SMYD3: variants seen among roughly 807,000 people sequenced by gnomAD.
SMYD3 encodes SET and MYND domain containing 3.
A neutral mutation model predicts 57.7 loss-of-function variants in SMYD3; 36 were observed. That is an observed-to-expected ratio of 0.62 (90% CI 0.48 to 0.82). The LOEUF is 0.82. SMYD3 is among the 40% of genes least tolerant of loss of function. The pLI is 0.00. For missense variants in SMYD3, 515 were observed against 538.8 expected (o/e 0.96, Z 0.44); for synonymous variants, 211 against 195.0 (o/e 1.08, Z -0.68).
rs893702891 is a variant in SMYD3 at position 246,203,612 on chromosome 1, A to G, written c.531+123589T>C. On this transcript the variant is annotated intron_variant, in intron 5 of 11. Transcript: ENST00000490107. This position sits in a 1 kb window ranked among gnomAD's most constrained non-coding sequence, Gnocchi z 4.6. Reference sequence around the variant, plus strand: ...CTCTTCCTCTTCCTACAAGGACACCAGTCATACTGGACTAGGGTCAACCCT... The same window carrying G: ...CTCTTCCTCTTCCTACAAGGACACCGGTCATACTGGACTAGGGTCAACCCT... Among the ~76,000 whole-genome samples the G allele has an allele frequency of 5.9e-5, 9 of 152,218 alleles. No individual in the cohort carries two copies. Among genetic ancestry groups the G allele is most frequent in the South Asian group, 2.1e-4 (1 of 4,830 alleles).
chr1:245,941,254 T>C (rs1354145252), intron 5 of SMYD3, among the ~76,000 whole-genome samples: 2 of 152,100 alleles, frequency 1.3e-5, no homozygotes, highest in Non-Finnish European at 2.9e-5. Flanking sequence ...CAAGGTATCA[T>C]CCAGGAGAAC....
At chr1:245,940,986 G>A (rs781684881) in intron 5 of SMYD3, among the ~76,000 whole-genome samples, 1 of 152,156 alleles carries the variant, frequency 6.6e-6, no homozygotes, top group African/African-American at 2.4e-5. Context: ...ACCTGATGGA[G>A]CTGAAAAACA....
intron 5 of SMYD3, among the ~76,000 whole-genome samples, chr1:246,153,794 C>T (rs567406123): frequency 6.6e-6 from 1 of 152,078 alleles, no homozygotes; most frequent in East Asian, 1.9e-4. Context: ...TTAAACAATC[C>T]CACCTTTAAC....
At chr1:246,413,435 G>C (rs529263033) in intron 1 of SMYD3, among the ~76,000 whole-genome samples, 3 of 152,082 alleles carry the variant, frequency 2.0e-5, no homozygotes, top group African/African-American at 7.2e-5. Context: ...TCACAACAGC[G>C]CTATTCCCAA....
chr1:245,988,950 T>G (rs1037045767), intron 5 of SMYD3, among the ~76,000 whole-genome samples: 3 of 152,270 alleles, frequency 2.0e-5, no homozygotes, highest in Non-Finnish European at 4.4e-5. Flanking sequence ...GCCTGGGCTA[T>G]CTCCATATTT....
At chr1:245,972,661 A>G (rs1443593493) in intron 5 of SMYD3, among the ~76,000 whole-genome samples, 2 of 152,204 alleles carry the variant, frequency 1.3e-5, no homozygotes, top group African/African-American at 4.8e-5. Flanking sequence ...GTTCGCTCCA[A>G]CTGAGTGGAA....
intron 5 of SMYD3, among the ~76,000 whole-genome samples, chr1:246,077,072 G>A (rs1427050918): frequency 6.6e-6 from 1 of 152,162 alleles, no homozygotes; most frequent in East Asian, 1.9e-4. Flanking sequence ...CCAGGGAAGT[G>A]TAGGACAATT....
intron 5 of SMYD3, among the ~76,000 whole-genome samples, chr1:246,228,265 C>G (rs528301968): frequency 6.6e-6 from 1 of 152,220 alleles, no homozygotes; most frequent in Non-Finnish European, 1.5e-5. Flanking sequence ...CCACTGCGCC[C>G]GGCCTCACAT....
intron 5 of SMYD3, among the ~76,000 whole-genome samples, chr1:246,069,827 T>TG (rs1360726199): frequency 1.3e-5 from 2 of 152,172 alleles, no homozygotes; most frequent in African/African-American, 4.8e-5. Flanking sequence ...GCAGGACGAA[T>TG]GAGACTGTTG....
At chr1:246,092,304 A>C (rs927263596) in intron 5 of SMYD3, among the ~76,000 whole-genome samples, 5 of 152,208 alleles carry the variant, frequency 3.3e-5, no homozygotes, top group Non-Finnish European at 1.5e-5. Flanking sequence ...AAATTACCCA[A>C]GACCCATCAG....
chr1:246,328,399 G>A (rs1572386201), intron 4 of SMYD3, among the ~76,000 whole-genome samples: 1 of 152,224 alleles, frequency 6.6e-6, no homozygotes, highest in East Asian at 1.9e-4. Context: ...TTAAGGTCAT[G>A]TGTATGACAC....
intron 1 of SMYD3, among the ~76,000 whole-genome samples, chr1:246,420,805 G>A (rs1259416354): frequency 6.6e-6 from 1 of 152,172 alleles, no homozygotes; most frequent in East Asian, 1.9e-4. Context: ...AAATTGCCGT[G>A]GAGCAGGGCA....
intron 5 of SMYD3, among the ~76,000 whole-genome samples, chr1:246,249,406 A>T (rs891852237): frequency 6.6e-6 from 1 of 152,126 alleles, no homozygotes; most frequent in African/African-American, 2.4e-5. Context: ...ACCTGGCCTG[A>T]TTATTGATAC....
chr1:245,880,647 C>T (rs946186725), intron 8 of SMYD3, among the ~76,000 whole-genome samples: 1 of 152,212 alleles, frequency 6.6e-6, no homozygotes, highest in Non-Finnish European at 1.5e-5. Flanking sequence ...AGGTTAACCT[C>T]CTCAAGTTCA....
At chr1:246,307,571 C>T (rs1046458506) in intron 5 of SMYD3, among the ~76,000 whole-genome samples, 4 of 151,698 alleles carry the variant, frequency 2.6e-5, no homozygotes, top group Admixed American at 1.3e-4. Flanking sequence ...AGGCGCCCGC[C>T]ACCACGCCCG....
At chr1:245,896,736 G>T (rs542906628) in intron 8 of SMYD3, among the ~76,000 whole-genome samples, 1 of 152,144 alleles carries the variant, frequency 6.6e-6, no homozygotes, top group African/African-American at 2.4e-5. Flanking sequence ...TCTTGTCTAG[G>T]TACACAGCCA....
chr1:246,176,064 G>C (rs1188811267), intron 5 of SMYD3, among the ~76,000 whole-genome samples: 1 of 152,126 alleles, frequency 6.6e-6, no homozygotes, highest in African/African-American at 2.4e-5. Flanking sequence ...TTTACTCTAA[G>C]CTAATGTTAC....
intron 2 of SMYD3, among the ~76,000 whole-genome samples, chr1:246,338,994 A>C (rs548155022): frequency 2.7e-4 from 41 of 152,020 alleles, no homozygotes; most frequent in African/African-American, 9.5e-4. Flanking sequence ...GTGTCCAACC[A>C]AATTCCATGA....
intron 5 of SMYD3, among the ~76,000 whole-genome samples, chr1:246,042,906 T>C (rs2059902322): frequency 6.6e-6 from 1 of 152,206 alleles, no homozygotes; most frequent in Admixed American, 6.5e-5. Context: ...GTTGAGGCTA[T>C]TTCCAGGGGC....
Sources: allele counts gnomAD v4.1 joint callset (sites outside exome capture counted in the v4.1 genomes callset), GRCh38; gene constraint gnomAD v4.1.1; non-coding constraint Gnocchi (gnomAD v3.1); transcripts MANE v1.5; gene names NCBI Gene and HGNC (gene_info 2026-07-23, HGNC 2026-07-21).